Variants in SYT1 observed in about 807,000 individuals in gnomAD.
SYT1 encodes the protein synaptotagmin 1, also known as synaptotagmin-1.
SYT1 carries 8 observed loss-of-function variants against 44.8 expected under a neutral mutation model. The ratio of observed to expected loss-of-function variants is 0.18; its 90% CI spans 0.10 to 0.32. The LOEUF (loss-of-function observed/expected upper bound fraction) is 0.32. SYT1 is among the 10% of genes least tolerant of loss of function. The probability of loss-of-function intolerance (pLI) is 1.00; values close to 1 mark genes in which losing one functional copy is unlikely to be tolerated. For missense variants in SYT1, 286 were observed against 509.3 expected (o/e 0.56, Z 4.22); for synonymous variants, 154 against 188.8 (o/e 0.82, Z 1.51).
chr12:79,057,897 G>T (rs1284851704), intron 3 of SYT1, among the ~76,000 whole-genome samples: 1 of 151,904 alleles, frequency 6.6e-6, no homozygotes, highest in Non-Finnish European at 1.5e-5. Flanking sequence ...AGGCAGGTTG[G>T]ACAAGCTCAT....
At chr12:79,215,709 G>T (rs187057840) in intron 3 of SYT1, among the ~76,000 whole-genome samples, 2 of 152,148 alleles carry the variant, frequency 1.3e-5, no homozygotes, top group Admixed American at 6.5e-5. Context: ...AAGAGAGAGA[G>T]AGAAATAGTC....
At chr12:78,876,545 A>T (rs1874086111) in intron 1 of SYT1, among the ~76,000 whole-genome samples, 1 of 135,532 alleles carries the variant, frequency 7.4e-6, no homozygotes, top group African/African-American at 2.8e-5. Context: ...TATACTATAT[A>T]TATGAGTGTG....
chr12:79,323,105 A>G (rs1452956810), intron 8 of SYT1, among the ~76,000 whole-genome samples: 1 of 151,450 alleles, frequency 6.6e-6, no homozygotes, highest in East Asian at 1.9e-4. Context: ...CAAGCCTTAC[A>G]TGCATTTTCT....
intron 3 of SYT1, among the ~76,000 whole-genome samples, chr12:79,087,972 A>G (rs916653085): frequency 2.0e-5 from 3 of 152,194 alleles, no homozygotes; most frequent in African/African-American, 7.2e-5. Context: ...GGGTACACTC[A>G]GTGACTATTA....
intron 3 of SYT1, among the ~76,000 whole-genome samples, chr12:79,209,268 T>G (rs1024472141): frequency 6.6e-6 from 1 of 152,218 alleles, no homozygotes; most frequent in African/African-American, 2.4e-5. Context: ...AGGCTTTACT[T>G]AACTGCCTAA....
chr12:79,065,278 G>A (rs547698790), intron 3 of SYT1, among the ~76,000 whole-genome samples: 3 of 152,278 alleles, frequency 2.0e-5, no homozygotes, highest in South Asian at 2.1e-4. Context: ...CAGATACTAG[G>A]GAAGCTGAAG....
chr12:79,249,451 G>A (rs1293491867), intron 4 of SYT1, among the ~76,000 whole-genome samples: 4 of 152,110 alleles, frequency 2.6e-5, no homozygotes, highest in Admixed American at 1.3e-4. Context: ...GGAAGTGTGA[G>A]TGGTGAGAAA....
chr12:78,977,314 A>G (rs1868917756), intron 1 of SYT1, among the ~76,000 whole-genome samples: 2 of 152,196 alleles, frequency 1.3e-5, no homozygotes, highest in East Asian at 1.9e-4. Context: ...GAGATTCACA[A>G]ATCAAAATAG....
chr12:79,123,584 T>A (rs79334605), intron 3 of SYT1, among the ~76,000 whole-genome samples: 3,509 of 152,264 alleles, frequency 0.023, 115 homozygotes, highest in South Asian at 0.11. Flanking sequence ...TAACTTACAA[T>A]TCAGAAACAC....
chr12:79,037,678 T>C (rs1565774615), intron 2 of SYT1, among the ~76,000 whole-genome samples: 1 of 151,798 alleles, frequency 6.6e-6, no homozygotes, highest in Admixed American at 6.6e-5. Context: ...GCCTTCTACC[T>C]TCATTTCCAA....
chr12:79,202,530 G>A (rs966850518), intron 3 of SYT1, among the ~76,000 whole-genome samples: 2 of 152,132 alleles, frequency 1.3e-5, no homozygotes, highest in African/African-American at 4.8e-5. Flanking sequence ...AAAGAAGAAA[G>A]AGAAGGAGTC....
intron 2 of SYT1, among the ~76,000 whole-genome samples, chr12:79,037,883 C>G (rs1873241130): frequency 6.6e-6 from 1 of 151,768 alleles, no homozygotes; most frequent in South Asian, 2.1e-4. Context: ...GCTGTAGACA[C>G]AATCAGATAA....
Position 79,399,367 on chromosome 12 carries a change from G to C in SYT1, c.929-44706G>C, listed in dbSNP as rs142625547. 6.2e-3 allele frequency among the ~76,000 whole-genome samples: 915 copies of C among 146,928 alleles called. 12 individuals are homozygous for C. The highest frequency in any genetic ancestry group is 0.022 in the African/African-American group (883 of 40,170). ...AATCCCAAGGAATATTATGATAAAA[G>C]ATAACATAAAAATTCAGATATGATA... On this transcript the variant is annotated intron_variant, in intron 9 of 10. Coordinates refer to ENST00000261205, the MANE Select transcript of SYT1 (RefSeq NM_005639.3).
chr12:78,984,554 A>G (rs561573526), intron 2 of SYT1, among the ~76,000 whole-genome samples: 2 of 151,958 alleles, frequency 1.3e-5, no homozygotes, highest in Non-Finnish European at 2.9e-5. Context: ...AACAACAAAA[A>G]CCTAATGTGT....
chr12:78,922,258 C>T (rs938442322), intron 1 of SYT1, among the ~76,000 whole-genome samples: 2 of 151,910 alleles, frequency 1.3e-5, no homozygotes, highest in Admixed American at 1.3e-4. Context: ...CTACCATATC[C>T]AGTACATACT....
intron 9 of SYT1, among the ~76,000 whole-genome samples, chr12:79,374,033 T>C (rs1021026058): frequency 6.6e-6 from 1 of 152,122 alleles, no homozygotes; most frequent in Non-Finnish European, 1.5e-5. Flanking sequence ...CATAGAAAAA[T>C]GCTAACAGCA....
chr12:79,196,751 C>T (rs1451385717), intron 3 of SYT1, among the ~76,000 whole-genome samples: 3 of 152,170 alleles, frequency 2.0e-5, no homozygotes, highest in Non-Finnish European at 4.4e-5. Context: ...GTACACACAA[C>T]AGGAGGTAAG....
At chr12:79,289,527 C>A (rs772506524) in intron 5 of SYT1, among the ~76,000 whole-genome samples, 1 of 152,064 alleles carries the variant, frequency 6.6e-6, no homozygotes, top group African/African-American at 2.4e-5. Flanking sequence ...CAGAGATGGT[C>A]CTGCCTTCTA....
At chr12:78,981,489 A>G (rs959995602) in intron 2 of SYT1, among the ~76,000 whole-genome samples, 1 of 152,200 alleles carries the variant, frequency 6.6e-6, no homozygotes, top group African/African-American at 2.4e-5. Flanking sequence ...GCAGCTGTGT[A>G]GAGGAAATGG....
Sources: allele counts gnomAD v4.1 joint callset (sites outside exome capture counted in the v4.1 genomes callset), GRCh38; gene constraint gnomAD v4.1.1; transcripts MANE v1.5; gene names NCBI Gene and HGNC (gene_info 2026-07-23, HGNC 2026-07-21).